ZC3H14: variants seen among roughly 807,000 people sequenced by gnomAD.
ZC3H14 encodes the protein zinc finger CCCH domain-containing protein 14.
ZC3H14 carries 31 observed loss-of-function variants against 92.4 expected under a neutral mutation model. The ratio of observed to expected loss-of-function variants is 0.34; its 90% CI spans 0.25 to 0.45. The LOEUF is 0.45. Ranked by LOEUF, ZC3H14 falls within the 20% of genes least tolerant of loss-of-function variation. The probability of loss-of-function intolerance (pLI) is 1.00; values close to 1 mark genes in which losing one functional copy is unlikely to be tolerated. For synonymous variants in ZC3H14, 321 were observed against 300.9 expected (o/e 1.07, Z -0.69); for missense variants, 781 against 897.3 (o/e 0.87, Z 1.66).
intron 15 of ZC3H14, 99 bp from the exon 16 acceptor site, chr14:88,610,735 C>A: frequency 8.2e-7 from 1 of 1,220,636 alleles, no homozygotes; most frequent in Non-Finnish European, 1.2e-6. Flanking sequence ...TTCACTCCAG[C>A]CTGGGTGACA....
chr14:88,609,225 G>C (rs756401139), intron 13 of ZC3H14, 42 bp from the exon 14 acceptor site: 2 of 1,612,350 alleles, frequency 1.2e-6, no homozygotes, highest in African/African-American at 2.7e-5. Context: ...ATAATGCATT[G>C]AGAAGATTGA....
chr14:88,603,823 C>T (rs2084955175), intron 12 of ZC3H14, among the ~76,000 whole-genome samples: 1 of 152,162 alleles, frequency 6.6e-6, no homozygotes, highest in Non-Finnish European at 1.5e-5. Context: ...TAATCCTCTT[C>T]TTGGAAGAGA....
intron 15 of ZC3H14, 131 bp from the exon 16 acceptor site, chr14:88,610,703 C>T: frequency 2.4e-6 from 2 of 847,858 alleles, no homozygotes; most frequent in South Asian, 2.9e-5. Context: ...ACTCGGGAGA[C>T]TGAGGCAAGA....
At chr14:88,563,836 CTTCT>C in intron 2 of ZC3H14, 143 bp downstream of exon 2, 1 of 810,342 alleles carries the variant, frequency 1.2e-6, no homozygotes. Context: ...TCCCTGGTTA[CTTCT>C]TTATCATCTT....
chr14:88,595,223 T>A, intron 9 of ZC3H14: 3 of 1,530,530 alleles, frequency 2.0e-6, no homozygotes, highest in Non-Finnish European at 2.6e-6. Context: ...AGAACTTGAA[T>A]TTTTCATGGA....
At position 88,618,617 on chromosome 14, in the gene ZC3H14, T is replaced by C. The variant is rs763029222; in HGVS notation, c.*6866T>C. On this transcript the variant is annotated 3_prime_UTR_variant, in exon 17 of 17. Coordinates refer to ENST00000251038, the MANE Select transcript of ZC3H14 (RefSeq NM_024824.5). The stretch of plus-strand genomic sequence containing the variant: ...ACACGAAATGTAAAAGCAGAAGAAC[T>C]TGCCACCTGGGTATACAGTATTGGT... The C allele has an allele frequency of 6.3e-7, 1 of 1,581,048 alleles. No individual in the cohort carries two copies. Among genetic ancestry groups the C allele is most frequent in the Non-Finnish European group, 8.6e-7 (1 of 1,165,784 alleles).
chr14:88,574,829 C>T lies in ZC3H14; in HGVS notation c.998C>T (p.Ser333Phe), dbSNP rs143157900. 5.3e-5 allele frequency: 85 copies of T among 1,614,090 alleles called. 1 individual carries two copies. In the South Asian group the frequency reaches 8.3e-4, roughly 16 times the overall value. Residue 333 changes from serine (S) to phenylalanine (F), a missense_variant, in exon 7 of 17, where the codon TCT (serine) becomes TTT (phenylalanine). Ser to Phe is a radical substitution (Grantham distance 155, BLOSUM62 -2). Coordinates refer to ENST00000251038, the MANE Select transcript of ZC3H14 (RefSeq NM_024824.5). Reference protein sequence around the residue: ...SRTGSISSSVSVPAKPERRPS... With the variant: ...SRTGSISSSVFVPAKPERRPS... The stretch of plus-strand genomic sequence containing the variant: ...ACAGGAAGCATCTCCAGCAGTGTGT[C>T]TGTGCCTGCAAAGCCTGAAAGGAGG...
In ZC3H14 at chr14:88,610,817, C is replaced by CT; in HGVS notation, c.2098-16dup. 1.2e-6 allele frequency: 2 copies of CT among 1,605,958 alleles called. No homozygotes were observed. Among genetic ancestry groups the CT allele is most frequent in the Non-Finnish European group, 8.5e-7 (1 of 1,172,648 alleles). On this transcript the variant is annotated splice_polypyrimidine_tract_variant and intron_variant, in intron 15 of 16. Coordinates refer to ENST00000251038, the MANE Select transcript of ZC3H14 (RefSeq NM_024824.5). ...TAGCCTTGTGGATATTGTTGAAGCT[C>CT]TGTTATCTCTATTCAGCATTGTAGG...
chr14:88,565,488 A>C (rs1315924642), intron 2 of ZC3H14, among the ~76,000 whole-genome samples: 2 of 152,196 alleles, frequency 1.3e-5, no homozygotes, highest in African/African-American at 4.8e-5. Flanking sequence ...TGCATAATGA[A>C]ATATATCAAC....
rs1399151486 is a variant in ZC3H14 at position 88,575,876 on chromosome 14, T to C, written c.1059T>C (p.Asn353=). The part of the protein sequence containing the change: ...SLPPSKQANK[N]LILKAISEAQ... ...CACCTTCTAAACAAGCTAACAAGAATCTGATTTTGAAGGCTATATCTGAAG... is the reference window on the plus strand; with the variant it reads ...CACCTTCTAAACAAGCTAACAAGAACCTGATTTTGAAGGCTATATCTGAAG... The change falls in exon 8 of 17, where the codon AAT becomes AAC. Residue 353 remains asparagine, a synonymous_variant. Transcript: ENST00000251038. 1 of 1,613,924 alleles carries C rather than the reference T, an allele frequency of 6.2e-7. No individual in the cohort carries two copies.
intron 1 of ZC3H14, 46 bp from the exon 2 acceptor site, chr14:88,563,605 C>G: frequency 6.2e-7 from 1 of 1,609,086 alleles, no homozygotes; most frequent in Non-Finnish European, 8.5e-7. Context: ...GTCTTGTTTT[C>G]CTAGAGCCGC....
chr14:88,576,797 T>G (rs2081220632), intron 8 of ZC3H14, among the ~76,000 whole-genome samples: 1 of 152,034 alleles, frequency 6.6e-6, no homozygotes, highest in Non-Finnish European at 1.5e-5. Context: ...TTTTTATTTG[T>G]TTTCTTTTTT....
At chr14:88,571,246 T>A in intron 4 of ZC3H14, 122 bp downstream of exon 4, 1 of 781,084 alleles carries the variant, frequency 1.3e-6, no homozygotes, top group Non-Finnish European at 2.0e-6. Context: ...TGAACTTTTT[T>A]AGAAAGCACA....
chr14:88,608,540 TG>T (rs1264707890), intron 13 of ZC3H14: 5 of 252,456 alleles, frequency 2.0e-5, no homozygotes, highest in Non-Finnish European at 3.9e-5. Flanking sequence ...GAGGCAAGGG[TG>T]GGGGGGCTTT....
chr14:88,574,948 G>C, intron 7 of ZC3H14, 95 bp downstream of exon 7: 1 of 1,568,682 alleles, frequency 6.4e-7, no homozygotes, highest in Non-Finnish European at 8.7e-7. Context: ...ATTTTTGTTT[G>C]TTTTTTGAGA....
Position 88,607,380 on chromosome 14 carries a change from C to T in ZC3H14, c.1868+17C>T. 6.3e-7 allele frequency: 1 copy of T among 1,595,012 alleles called. No individual in the cohort carries two copies. Among genetic ancestry groups the T allele is most frequent in the Non-Finnish European group, 8.5e-7 (1 of 1,170,166 alleles). On this transcript the variant is annotated intron_variant, in intron 13 of 16. Transcript: ENST00000251038. ...ACCCTGCAAGTGAGTACCATCCCCC[C>T]ATCTCACCCTGCAAGTGAGTACCAT... is the stretch of plus-strand genomic sequence containing the variant.
chr14:88,603,091 T>C (rs1414886449), intron 12 of ZC3H14, 31 bp downstream of exon 12: 2 of 1,601,030 alleles, frequency 1.2e-6, no homozygotes, highest in Non-Finnish European at 1.7e-6. Context: ...TTCAGGGTGC[T>C]GTCATTGTGA....
In ZC3H14 at chr14:88,626,740, T is replaced by TCC; in HGVS notation, c.*14990_*14991insCC. On this transcript the variant is annotated 3_prime_UTR_variant, in exon 17 of 17. Transcript: ENST00000251038. ...ACCAGGGCATGTAATGATTAGCAGA[T>TCC]CACAGTATCATCTCAACAACATTCA... 8.3e-7 allele frequency: 1 copy of TCC among 1,206,484 alleles called. No individual in the cohort carries two copies. The highest frequency in any genetic ancestry group is 1.2e-6 in the Non-Finnish European group (1 of 849,688). The allele number at this position is 1,206,484 out of a possible 1,614,324, so 74.7% of individuals were successfully genotyped here. A position where few individuals can be genotyped will look rare whatever the true frequency, so the allele number is the denominator to read the frequency against.
In ZC3H14 at chr14:88,569,389, T is replaced by A. The variant is rs139085397; in HGVS notation, c.194+1236T>A. On this transcript the variant is annotated intron_variant, in intron 3 of 16. Transcript: ENST00000251038. ...GTAATGTTACAGCATATTTTGAGAT[T>A]ATAAGTTTTTTTAAGTTTGGAATTT... is the stretch of plus-strand genomic sequence containing the variant. Among the ~76,000 whole-genome samples, 375 of 152,324 alleles carry A rather than the reference T, an allele frequency of 2.5e-3. 1 individual carries two copies. Among genetic ancestry groups the A allele is most frequent in the Non-Finnish European group, 4.4e-3 (302 of 68,022 alleles).
Sources: gnomAD v4.1 joint callset for allele counts (sites outside exome capture counted in the v4.1 genomes callset) on GRCh38, gnomAD v4.1.1 for gene constraint, MANE v1.5 for transcripts, NCBI Gene and HGNC (gene_info 2026-07-23, HGNC 2026-07-21) for gene names.